ALPK1: variants seen among roughly 807,000 people sequenced by gnomAD.
ALPK1 encodes alpha-protein kinase 1.
In ALPK1, 110 loss-of-function variants were observed where a neutral mutation model predicts 120.6. The observed-to-expected ratio is 0.91, with a 90% CI of 0.78 to 1.07. The LOEUF is 1.07. Among genes scored for constraint, ALPK1 ranks in the 50% least tolerant of loss-of-function variants. The pLI, the probability that ALPK1 is intolerant of heterozygous loss-of-function variation, is 0.00. For missense variants in ALPK1, 1,498 were observed against 1,483.9 expected, an observed-to-expected ratio of 1.01 and a Z score of -0.16; for synonymous variants, 582 against 560.3, an observed-to-expected ratio of 1.04 and a Z score of -0.55.
chr4:112,334,461 A>C (rs1729526399), intron 2 of ALPK1, among the ~76,000 whole-genome samples: 1 of 151,938 alleles, frequency 6.6e-6, no homozygotes, highest in South Asian at 2.1e-4. Flanking sequence ...AAGAAAAGAA[A>C]AGAAAGGCAG....
At chr4:112,419,803 A>T (rs1733910187) in intron 5 of ALPK1, among the ~76,000 whole-genome samples, 1 of 152,218 alleles carries the variant, frequency 6.6e-6, no homozygotes, top group Non-Finnish European at 1.5e-5. Flanking sequence ...CTTTCATGGC[A>T]GGCTGCCTTG....
chr4:112,409,123 A>G (rs1301550116), intron 4 of ALPK1, among the ~76,000 whole-genome samples: 4 of 151,190 alleles, frequency 2.6e-5, no homozygotes, highest in African/African-American at 9.7e-5. Context: ...TTTAGTTCAG[A>G]TTGATACGTT....
At chr4:112,337,388 G>C (rs1247725953) in intron 2 of ALPK1, among the ~76,000 whole-genome samples, 1 of 152,190 alleles carries the variant, frequency 6.6e-6, no homozygotes, top group Non-Finnish European at 1.5e-5. Flanking sequence ...TGGTTTCTGA[G>C]TGCTATTGGA....
chr4:112,359,388 G>T, intron 2 of ALPK1: 1 of 339,884 alleles, frequency 2.9e-6, no homozygotes. Flanking sequence ...CCTACTGGCT[G>T]CCCTGACCAC....
intron 12 of ALPK1, among the ~76,000 whole-genome samples, chr4:112,438,071 G>A (rs1483769614): frequency 6.6e-6 from 1 of 152,162 alleles, no homozygotes; most frequent in Non-Finnish European, 1.5e-5. Context: ...TTATAGGAAT[G>A]AAGTAATCAT....
chr4:112,415,338 T>C (rs1376345252), intron 5 of ALPK1, among the ~76,000 whole-genome samples: 1 of 152,126 alleles, frequency 6.6e-6, no homozygotes, highest in Non-Finnish European at 1.5e-5. Context: ...TGACCTTACA[T>C]TAAAATTATA....
intron 4 of ALPK1, among the ~76,000 whole-genome samples, chr4:112,403,388 T>C (rs1272337221): frequency 6.6e-6 from 1 of 152,140 alleles, no homozygotes; most frequent in African/African-American, 2.4e-5. Flanking sequence ...CTGTATGTAG[T>C]TCACAGCATG....
intron 2 of ALPK1, among the ~76,000 whole-genome samples, chr4:112,329,376 G>C (rs1009674036): frequency 6.6e-6 from 1 of 152,156 alleles, no homozygotes; most frequent in African/African-American, 2.4e-5. Flanking sequence ...CTAGTTCACT[G>C]TTACCAGTGA....
Position 112,430,833 on chromosome 4 carries a change from A to T in ALPK1, c.1286A>T (p.Asp429Val). The T allele has an allele frequency of 3.1e-6, 5 of 1,614,220 alleles. No individual in the cohort carries two copies. The highest frequency in any genetic ancestry group is 4.2e-6 in the Non-Finnish European group (5 of 1,180,022). The change falls in exon 11 of 16, where the codon GAC becomes GTC. Residue 429 changes from aspartate to valine, a missense_variant. Transcript: ENST00000650871. ...LQVQSFSNVD[D>V]RSYVPESFEC... The stretch of plus-strand genomic sequence containing the variant: ...GTTCAAAGCTTCTCAAATGTAGATG[A>T]CAGATCTTATGTTCCCGAGAGTTTC...
chr4:112,355,717 G>A (rs1357049021), intron 2 of ALPK1, among the ~76,000 whole-genome samples: 1 of 152,038 alleles, frequency 6.6e-6, no homozygotes, highest in Non-Finnish European at 1.5e-5. Context: ...TCAAAGGGCT[G>A]CATAGACCTC....
At chr4:112,388,934 A>G (rs920958185) in intron 4 of ALPK1, among the ~76,000 whole-genome samples, 1 of 152,240 alleles carries the variant, frequency 6.6e-6, no homozygotes, top group Non-Finnish European at 1.5e-5. Flanking sequence ...TTCACAGTTA[A>G]GAAAATTAAT....
intron 5 of ALPK1, among the ~76,000 whole-genome samples, chr4:112,413,351 C>T (rs1183679276): frequency 6.6e-6 from 1 of 152,202 alleles, no homozygotes; most frequent in East Asian, 1.9e-4. Context: ...AAATTGAGAT[C>T]AAATGGTAAA....
At chr4:112,420,496 A>G (rs1009057182) in intron 5 of ALPK1, among the ~76,000 whole-genome samples, 2 of 152,222 alleles carry the variant, frequency 1.3e-5, no homozygotes, top group African/African-American at 4.8e-5. Context: ...AAGTCTTCTC[A>G]GGTACTTCTT....
rs780322054 is a variant in ALPK1 at position 112,411,913 on chromosome 4, C to T, written c.363C>T (p.Leu121=). The T allele has an allele frequency of 6.2e-7, 1 of 1,614,108 alleles. No individual in the cohort carries two copies. Among genetic ancestry groups the T allele is most frequent in the East Asian group, 2.2e-5 (1 of 44,870 alleles). The change falls in exon 5 of 16, where the codon CTC becomes CTT. Residue 121 remains leucine, a synonymous_variant. Transcript: ENST00000650871. ...VFLVDRFLYG[L]DVSGKLLQVA... ...TGGTGGACCGGTTCCTGTATGGGCT[C>T]GACGTCTCTGGAAAACTTCTGCAGG...
chr4:112,364,529 G>A (rs1731053858), intron 2 of ALPK1, among the ~76,000 whole-genome samples: 1 of 151,962 alleles, frequency 6.6e-6, no homozygotes, highest in South Asian at 2.1e-4. Flanking sequence ...TAGAAACTCT[G>A]AAAAGACCAA....
intron 12 of ALPK1, among the ~76,000 whole-genome samples, chr4:112,437,565 C>T (rs978152294): frequency 2.0e-5 from 3 of 152,156 alleles, no homozygotes; most frequent in Non-Finnish European, 2.9e-5. Flanking sequence ...ATAGGTCTTG[C>T]GGTCTCTCCA....
Position 112,439,116 on chromosome 4 carries a change from C to A in ALPK1, c.3351+470C>A, listed in dbSNP as rs537294161. Among the ~76,000 whole-genome samples, 55 of 152,294 alleles carry A rather than the reference C, an allele frequency of 3.6e-4. No homozygotes were observed. In the South Asian group the frequency reaches 9.9e-3, roughly 28 times the overall value. ...TAATATTCCCATTGAGTTTTCTCTT[C>A]TTTGGATCAAGAATGCCTTGCTACC... On this transcript the variant is annotated intron_variant, in intron 13 of 15. Coordinates refer to ENST00000650871, the MANE Select transcript of ALPK1 (RefSeq NM_025144.4).
Position 112,432,134 on chromosome 4 carries a change from G to A in ALPK1, c.2587G>A (p.Val863Ile), listed in dbSNP as rs142603089. ...EEGQLLDSMD[V>I]PCTNGHGSHR... ...GGGGCAACTGCTCGACAGCATGGATGTTCCCTGCACAAATGGGCACGGCTC... is the reference window on the plus strand; with the variant it reads ...GGGGCAACTGCTCGACAGCATGGATATTCCCTGCACAAATGGGCACGGCTC... The change falls in exon 11 of 16, where the codon GTT (valine) becomes ATT (isoleucine). Residue 863 changes from valine to isoleucine, a missense_variant. Transcript: ENST00000650871. The A allele has an allele frequency of 4.0e-5, 65 of 1,614,204 alleles. No homozygotes were observed. In the African/African-American group the frequency reaches 6.4e-4, roughly 16 times the overall value.
chr4:112,401,047 G>A (rs923861960), intron 4 of ALPK1, among the ~76,000 whole-genome samples: 3 of 152,162 alleles, frequency 2.0e-5, no homozygotes, highest in East Asian at 1.9e-4. Flanking sequence ...AAAAGAAACC[G>A]ATGCCCGGGT....
Sources: allele counts gnomAD v4.1 joint callset (sites outside exome capture counted in the v4.1 genomes callset), GRCh38; gene constraint gnomAD v4.1.1; transcripts MANE v1.5; gene names NCBI Gene and HGNC (gene_info 2026-07-23, HGNC 2026-07-21).